Variants in DLC1 observed in about 807,000 individuals in gnomAD.
DLC1 encodes the protein DLC1 Rho GTPase activating protein, also known as rho GTPase-activating protein 7.
DLC1 carries 54 observed loss-of-function variants against 140.3 expected under a neutral mutation model. The observed-to-expected ratio is 0.38, with a 90% CI of 0.31 to 0.48. The LOEUF (loss-of-function observed/expected upper bound fraction) is 0.48, where lower values mean the gene tolerates loss of function less well. DLC1 is among the 20% of genes least tolerant of loss of function. The pLI is 0.96. For synonymous variants in DLC1, 986 were observed against 728.1 expected, an observed-to-expected ratio of 1.35 and a Z score of -5.70; for missense variants, 2,536 against 1,907.0, an observed-to-expected ratio of 1.33 and a Z score of -6.14.
At chr8:13,405,973 C>CTTTCTTTCT (rs60822487) in intron 2 of DLC1, among the ~76,000 whole-genome samples, 1 of 71,266 alleles carries the variant, frequency 1.4e-5, no homozygotes, top group Non-Finnish European at 3.1e-5. Flanking sequence ...TTCTTTCTTT[C>CTTTCTTTCT]ATCTCTCTCT....
At chr8:13,327,427 T>C (rs1006722846) in intron 4 of DLC1, among the ~76,000 whole-genome samples, 1 of 152,126 alleles carries the variant, frequency 6.6e-6, no homozygotes, top group African/African-American at 2.4e-5. Context: ...CCCATACTTA[T>C]TAAAGCATAA....
At chr8:13,495,162 C>T (rs1242374866) in intron 2 of DLC1, among the ~76,000 whole-genome samples, 1 of 152,096 alleles carries the variant, frequency 6.6e-6, no homozygotes, top group African/African-American at 2.4e-5. Context: ...TATGTTCAGA[C>T]ATTTATATAA....
chr8:13,469,544 G>T (rs1800109522), intron 2 of DLC1, among the ~76,000 whole-genome samples: 1 of 152,076 alleles, frequency 6.6e-6, no homozygotes, highest in Non-Finnish European at 1.5e-5. Flanking sequence ...TCTAGGCTTG[G>T]GGCTGACATA....
At position 13,312,386 on chromosome 8, in the gene DLC1, A is replaced by AAAAAATAAT. The variant is rs71207139; in HGVS notation, c.1315-7085_1315-7084insATTATTTTT. Among the ~76,000 whole-genome samples, 33 of 81,688 alleles carry AAAAAATAAT rather than the reference A, an allele frequency of 4.0e-4. 2 individuals are homozygous for AAAAAATAAT. Among genetic ancestry groups the AAAAAATAAT allele is most frequent in the Admixed American group, 9.2e-4 (6 of 6,506 alleles). 53.6% of individuals were successfully genotyped at this position (81,688 alleles called of 152,430 possible). On this transcript the variant is annotated intron_variant, in intron 4 of 17. Coordinates refer to ENST00000276297, the MANE Select transcript of DLC1 (RefSeq NM_182643.3). ...AAAAAAAAAAAAAAAAAAAAAAAAAAAATAATTTCTTTAGCAAGCTAGATA... is the reference window on the plus strand; with the variant it reads ...AAAAAAAAAAAAAAAAAAAAAAAAAAAAAAATAATAATAATTTCTTTAGCAAGCTAGATA...
chr8:13,548,783 T>A (rs1420786818), intron 1 of DLC1, among the ~76,000 whole-genome samples: 1 of 151,948 alleles, frequency 6.6e-6, no homozygotes. Flanking sequence ...AAATCAAGCT[T>A]ATTTGGGTTG....
intron 2 of DLC1, among the ~76,000 whole-genome samples, chr8:13,485,499 C>T (rs765190163): frequency 2.6e-5 from 4 of 152,146 alleles, no homozygotes; most frequent in Non-Finnish European, 4.4e-5. Context: ...CTTGGCACTG[C>T]ACAGCCATGT....
At position 13,416,473 on chromosome 8, in the gene DLC1, A is replaced by G. The variant is rs141567896; in HGVS notation, c.1024-14854T>C. Among the ~76,000 whole-genome samples the G allele has an allele frequency of 2.3e-3, 355 of 152,308 alleles. 2 individuals are homozygous for G. Among genetic ancestry groups the G allele is most frequent in the African/African-American group, 7.7e-3 (322 of 41,574 alleles). On this transcript the variant is annotated intron_variant, in intron 2 of 17. Coordinates refer to ENST00000276297, the MANE Select transcript of DLC1 (RefSeq NM_182643.3). ...ATATTTTATTGAGTGCAGACATACA[A>G]AATATGGCCACTTTGGATGATTCAG... is the stretch of plus-strand genomic sequence containing the variant.
At chr8:13,496,227 C>G (rs908171599) in intron 2 of DLC1, among the ~76,000 whole-genome samples, 34 of 152,184 alleles carry the variant, frequency 2.2e-4, no homozygotes, top group African/African-American at 7.7e-4. Flanking sequence ...GATTAGAACT[C>G]TTGTTAATAG....
intron 9 of DLC1, 98 bp downstream of exon 9, chr8:13,099,249 T>A (rs376187754): frequency 2.0e-6 from 3 of 1,505,846 alleles, no homozygotes; most frequent in Non-Finnish European, 2.7e-6. Context: ...TGGCTAAGAA[T>A]GCCAGACTTA....
rs1319699981 is a variant in DLC1, at chr8:13,453,471, C to CATATATATATGTATATATATATACAT, written c.1023+45577_1023+45578insATGTATATATATATACATATATATAT. Among the ~76,000 whole-genome samples the CATATATATATGTATATATATATACAT allele has an allele frequency of 1.5e-3, 18 of 12,382 alleles. 2 individuals carry two copies. Among genetic ancestry groups the CATATATATATGTATATATATATACAT allele is most frequent in the South Asian group, 6.7e-3 (2 of 298 alleles). 8.1% of individuals were successfully genotyped at this position (12,382 alleles called of 152,430 possible). A position where few individuals can be genotyped will look rare whatever the true frequency, so the allele number is the denominator to read the frequency against. On this transcript the variant is annotated intron_variant, in intron 2 of 17. Transcript: ENST00000276297. ...ATACATATATATATGTATATATATA[C>CATATATATATGTATATATATATACAT]ATATATATGTATATATATACATATA...
intron 16 of DLC1, 108 bp from the exon 17 acceptor site, chr8:13,086,571 T>G: frequency 7.7e-7 from 1 of 1,304,902 alleles, no homozygotes; most frequent in Admixed American, 2.3e-5. Flanking sequence ...TCAGGCTCAG[T>G]GGCCATGCTG....
chr8:13,229,250 G>T (rs1429990940), intron 5 of DLC1, among the ~76,000 whole-genome samples: 2 of 152,102 alleles, frequency 1.3e-5, no homozygotes, highest in East Asian at 3.9e-4. Context: ...ATATCATTTG[G>T]CAGTACAAAG....
At chr8:13,536,365 G>T (rs1803284741) in intron 1 of DLC1, among the ~76,000 whole-genome samples, 1 of 152,184 alleles carries the variant, frequency 6.6e-6, no homozygotes, top group Admixed American at 6.5e-5. Context: ...TCATGGAGCT[G>T]AATTACAGAG....
At chr8:13,129,072 G>A (rs1821856757) in intron 5 of DLC1, among the ~76,000 whole-genome samples, 1 of 152,150 alleles carries the variant, frequency 6.6e-6, no homozygotes, top group South Asian at 2.1e-4. Flanking sequence ...GAGGACAGAA[G>A]GAGCCCTTCT....
At chr8:13,211,166 G>A (rs1045029368) in intron 5 of DLC1, among the ~76,000 whole-genome samples, 1 of 152,174 alleles carries the variant, frequency 6.6e-6, no homozygotes, top group African/African-American at 2.4e-5. Context: ...CGACCTGGAA[G>A]TTACATTATG....
At chr8:13,283,983 C>T (rs1272874555) in intron 5 of DLC1, among the ~76,000 whole-genome samples, 1 of 152,130 alleles carries the variant, frequency 6.6e-6, no homozygotes, top group Non-Finnish European at 1.5e-5. Flanking sequence ...AAAGAACTCT[C>T]GAAGGCTAGG....
At chr8:13,171,868 G>T (rs1825505264) in intron 5 of DLC1, among the ~76,000 whole-genome samples, 1 of 152,144 alleles carries the variant, frequency 6.6e-6, no homozygotes, top group Non-Finnish European at 1.5e-5. Context: ...GTCAATTGGA[G>T]GGAGAAGGGA....
intron 2 of DLC1, among the ~76,000 whole-genome samples, chr8:13,413,557 G>C (rs1432646634): frequency 6.6e-6 from 1 of 151,748 alleles, no homozygotes; most frequent in Non-Finnish European, 1.5e-5. Context: ...ATCTGATATG[G>C]TTTGGCTTTG....
intron 8 of DLC1, among the ~76,000 whole-genome samples, 192 bp downstream of exon 8, chr8:13,102,593 ATAATG>A (rs1227505827): frequency 6.6e-6 from 1 of 152,232 alleles, no homozygotes; most frequent in Non-Finnish European, 1.5e-5. Context: ...AATAGATAAA[ATAATG>A]TAATGGACTA....
Sources: allele counts gnomAD v4.1 joint callset (sites outside exome capture counted in the v4.1 genomes callset), GRCh38; gene constraint gnomAD v4.1.1; transcripts MANE v1.5; gene names NCBI Gene and HGNC (gene_info 2026-07-23, HGNC 2026-07-21).